Variants in ZUP1 observed in about 807,000 individuals in gnomAD.
The protein encoded by ZUP1 is zinc finger-containing ubiquitin peptidase 1.
A neutral mutation model predicts 68.1 loss-of-function variants in ZUP1; 55 were observed. The ratio of observed to expected loss-of-function variants is 0.81; its 90% CI spans 0.65 to 1.01. The LOEUF (loss-of-function observed/expected upper bound fraction) is 1.01, where lower values mean the gene tolerates loss of function less well. Among genes scored for constraint, ZUP1 ranks in the 50% least tolerant of loss-of-function variants. ZUP1 has a pLI of 0.00. For synonymous variants in ZUP1, 223 were observed against 221.5 expected (o/e 1.01, Z -0.06); for missense variants, 684 against 674.9 (o/e 1.01, Z -0.15).
chr6:116,665,472 G>A (rs951707537), intron 2 of ZUP1, among the ~76,000 whole-genome samples: 1 of 150,704 alleles, frequency 6.6e-6, no homozygotes, highest in Non-Finnish European at 1.5e-5. Context: ...GAAAGACACT[G>A]TTAAAAGAAT....
chr6:116,649,202 A>C (rs911096354), intron 7 of ZUP1, among the ~76,000 whole-genome samples: 7 of 152,156 alleles, frequency 4.6e-5, no homozygotes, highest in Admixed American at 4.6e-4. Context: ...TTTATTTCTG[A>C]ATCTAATCAA....
chr6:116,650,602 C>T (rs1479911020), intron 7 of ZUP1, among the ~76,000 whole-genome samples: 1 of 151,912 alleles, frequency 6.6e-6, no homozygotes, highest in African/African-American at 2.4e-5. Flanking sequence ...CTATTAATAC[C>T]TTCTTTTATC....
chr6:116,664,757 T>C (rs186294903), intron 2 of ZUP1, among the ~76,000 whole-genome samples: 39 of 152,056 alleles, frequency 2.6e-4, no homozygotes, highest in Non-Finnish European at 4.6e-4. Context: ...CCCACACAGA[T>C]ATGAAAATGT....
Position 116,656,808 on chromosome 6 carries a change from T to C in ZUP1, c.837A>G (p.Gln279=), listed in dbSNP as rs2114267270. 1.2e-6 allele frequency: 2 copies of C among 1,608,032 alleles called. No individual in the cohort carries two copies. Among genetic ancestry groups the C allele is most frequent in the African/African-American group, 1.3e-5 (1 of 74,886 alleles). Residue 279 remains glutamine (Q), a synonymous_variant, in exon 5 of 10, where the codon CAA becomes CAG. Transcript: ENST00000368576. ...LDNSGGYKQQ[Q]LRNMEIEVNR... ...TTACTTCTATCTCCATATTTCGTAG[T>C]TGTTGTTGTTTGTATCCTCCAGAAT...
rs920388838 is a variant in ZUP1 at position 116,651,648 on chromosome 6, T to C, written c.1240A>G (p.Asn414Asp). The change falls in exon 7 of 10, where the codon AAT becomes GAT. Residue 414 changes from asparagine (N) to aspartate (D), a missense_variant. By Grantham distance (23) the Asn-to-Asp change is conservative. Coordinates refer to ENST00000368576, the MANE Select transcript of ZUP1 (RefSeq NM_145062.3). ...GFDPQGASQL[N>D]NRLQGTKAWI... ...GCCTTTGTTCCCTGTAACCTGTTAT[T>C]AAGTTGAGAGGCCCCCTGAGGATCA... The C allele has an allele frequency of 6.2e-7, 1 of 1,613,814 alleles. No individual in the cohort carries two copies. Among genetic ancestry groups the C allele is most frequent in the Non-Finnish European group, 8.5e-7 (1 of 1,179,862 alleles).
At chr6:116,645,096 C>T (rs1325477022) in intron 9 of ZUP1, among the ~76,000 whole-genome samples, 2 of 151,542 alleles carry the variant, frequency 1.3e-5, no homozygotes, top group Admixed American at 6.6e-5. Context: ...AATTAACATA[C>T]AGTAAACTGC....
chr6:116,648,204 CCTT>C (rs1776373809), intron 7 of ZUP1, among the ~76,000 whole-genome samples: 1 of 152,212 alleles, frequency 6.6e-6, no homozygotes, highest in Non-Finnish European at 1.5e-5. Context: ...TGGTATTCTT[CCTT>C]CAAGAGGAAG....
intron 5 of ZUP1, among the ~76,000 whole-genome samples, chr6:116,656,264 A>G (rs895121037): frequency 2.0e-5 from 3 of 151,548 alleles, no homozygotes; most frequent in African/African-American, 7.3e-5. Context: ...ATTTTTTTTT[A>G]GTAGAGATGG....
At chr6:116,639,642 G>C (rs1219172263) in intron 9 of ZUP1, among the ~76,000 whole-genome samples, 1 of 152,170 alleles carries the variant, frequency 6.6e-6, no homozygotes, top group African/African-American at 2.4e-5. Context: ...CTGTTAGAAG[G>C]AAAACTAACA....
At chr6:116,643,564 C>T (rs940000720) in intron 9 of ZUP1, among the ~76,000 whole-genome samples, 1 of 152,110 alleles carries the variant, frequency 6.6e-6, no homozygotes, top group African/African-American at 2.4e-5. Flanking sequence ...CTTTGACAAA[C>T]CTGAGAAAAA....
At chr6:116,655,676 A>G (rs1293764740) in intron 5 of ZUP1, among the ~76,000 whole-genome samples, 2 of 152,240 alleles carry the variant, frequency 1.3e-5, no homozygotes, top group African/African-American at 4.8e-5. Context: ...TTATGGGGCA[A>G]GGAAGATTTG....
chr6:116,656,110 G>A (rs189297878), intron 5 of ZUP1, among the ~76,000 whole-genome samples: 6 of 148,328 alleles, frequency 4.0e-5, no homozygotes, highest in Admixed American at 2.0e-4. Flanking sequence ...ATGGAGTTTC[G>A]CTCTTGTTGC....
intron 2 of ZUP1, 112 bp downstream of exon 2, chr6:116,666,522 A>G: frequency 1.3e-6 from 1 of 757,880 alleles, no homozygotes; most frequent in Non-Finnish European, 2.0e-6. Flanking sequence ...ATAGACATAA[A>G]ATGGATTTCA....
At chr6:116,658,996 T>C in intron 3 of ZUP1, 72 bp from the exon 4 acceptor site, 1 of 1,292,930 alleles carries the variant, frequency 7.7e-7, no homozygotes, top group Non-Finnish European at 1.0e-6. Context: ...TTAATATATG[T>C]TTTTAAAATA....
chr6:116,644,047 T>G (rs2115386047), intron 9 of ZUP1, among the ~76,000 whole-genome samples: 1 of 152,290 alleles, frequency 6.6e-6, no homozygotes, highest in Admixed American at 6.5e-5. Context: ...CAGACACTTC[T>G]CAAAAGAAGA....
intron 9 of ZUP1, among the ~76,000 whole-genome samples, chr6:116,644,746 G>A (rs912119419): frequency 2.6e-5 from 4 of 151,874 alleles, no homozygotes; most frequent in South Asian, 4.1e-4. Context: ...GCTAAATGAC[G>A]ATTTAATGGG....
rs764960670 is a variant in ZUP1 at position 116,667,131 on chromosome 6, AG to A, written c.61del (p.Leu21Ter). On this transcript the variant is annotated frameshift_variant, in exon 2 of 10. Transcript: ENST00000368576. LOFTEE classifies it high-confidence loss of function. ...VTSEPDMKAH[L>X]IVHMESEIIC... ...AATTTCACTTTCCATGTGAACAATT[AG>A]GTGAGCTTTCATGTCTGGTTCTGAG... 8 of 1,612,760 alleles carry A rather than the reference AG, an allele frequency of 5.0e-6. No individual in the cohort carries two copies. In the African/African-American group the frequency reaches 1.1e-4, roughly 22 times the overall value.
intron 2 of ZUP1, among the ~76,000 whole-genome samples, chr6:116,662,198 G>T (rs1017285933): frequency 6.6e-6 from 1 of 152,194 alleles, no homozygotes; most frequent in African/African-American, 2.4e-5. Context: ...GCTGGCGGAT[G>T]TAAGAGAAGT....
intron 7 of ZUP1, among the ~76,000 whole-genome samples, chr6:116,649,030 A>C (rs1776399863): frequency 6.6e-6 from 1 of 152,014 alleles, no homozygotes. Context: ...TCAAAACATG[A>C]TAGAGTATAA....
Sources: gnomAD v4.1 joint callset for allele counts (sites outside exome capture counted in the v4.1 genomes callset) on GRCh38, gnomAD v4.1.1 for gene constraint, MANE v1.5 for transcripts, NCBI Gene and HGNC (gene_info 2026-07-23, HGNC 2026-07-21) for gene names.